Variants in ZNF521 observed in about 807,000 individuals in gnomAD.
ZNF521 encodes LYST-interacting protein 3.
In ZNF521, 14 loss-of-function variants were observed where a neutral mutation model predicts 105.5. The observed-to-expected ratio is 0.13, with a 90% CI of 0.09 to 0.21. The LOEUF is 0.21. ZNF521 is among the 10% of genes least tolerant of loss of function. The probability of loss-of-function intolerance (pLI) is 1.00; values close to 1 mark genes in which losing one functional copy is unlikely to be tolerated. For synonymous variants in ZNF521, 635 were observed against 606.0 expected (o/e 1.05, Z -0.70); for missense variants, 1,233 against 1,629.7 (o/e 0.76, Z 4.19).
intron 3 of ZNF521, among the ~76,000 whole-genome samples, chr18:25,247,063 C>T (rs979947552): frequency 5.9e-5 from 9 of 152,184 alleles, no homozygotes; most frequent in Admixed American, 5.9e-4. Context: ...CTGATGCAGT[C>T]ATCAATTCCA....
chr18:25,179,602 C>G (rs1244283946), intron 5 of ZNF521, among the ~76,000 whole-genome samples: 1 of 152,178 alleles, frequency 6.6e-6, no homozygotes, highest in Non-Finnish European at 1.5e-5. Flanking sequence ...AATTTAACCA[C>G]AGGAAACTCT....
chr18:25,295,675 T>C (rs1911285252), intron 3 of ZNF521, among the ~76,000 whole-genome samples: 1 of 152,110 alleles, frequency 6.6e-6, no homozygotes. Flanking sequence ...AAGAAAATAT[T>C]CCATTATGTG....
At chr18:25,301,754 G>A (rs927200511) in intron 3 of ZNF521, among the ~76,000 whole-genome samples, 1 of 152,162 alleles carries the variant, frequency 6.6e-6, no homozygotes, top group Non-Finnish European at 1.5e-5. Flanking sequence ...TCAAAAAGAT[G>A]GAGTGGGGGG....
chr18:25,291,831 T>C (rs753971446), intron 3 of ZNF521, among the ~76,000 whole-genome samples: 19 of 152,130 alleles, frequency 1.2e-4, no homozygotes, highest in Non-Finnish European at 2.2e-4. Flanking sequence ...GTTTCCAGAA[T>C]ACAATAATCA....
chr18:25,309,570 T>A (rs113346096), intron 3 of ZNF521, among the ~76,000 whole-genome samples: 2,080 of 152,306 alleles, frequency 0.014, 40 homozygotes, highest in African/African-American at 0.047. Context: ...AATATAAATA[T>A]TAAACCAGAC....
intron 3 of ZNF521, among the ~76,000 whole-genome samples, chr18:25,278,277 T>A (rs1269154153): frequency 6.6e-6 from 1 of 152,226 alleles, no homozygotes; most frequent in Non-Finnish European, 1.5e-5. Context: ...CATCTGTGAT[T>A]TTTTGTGTTA....
intron 7 of ZNF521, among the ~76,000 whole-genome samples, chr18:25,076,768 T>C (rs1486523373): frequency 6.6e-6 from 1 of 152,118 alleles, no homozygotes; most frequent in Non-Finnish European, 1.5e-5. Flanking sequence ...ACCTGAACTA[T>C]TTTCACTTTT....
intron 5 of ZNF521, among the ~76,000 whole-genome samples, chr18:25,094,107 A>G (rs2033805008): frequency 6.6e-6 from 1 of 152,218 alleles, no homozygotes; most frequent in African/African-American, 2.4e-5. Flanking sequence ...ACTGATATAC[A>G]CTTGTTCCAG....
At chr18:25,202,964 T>A (rs2036017461) in intron 4 of ZNF521, 1 of 152,230 alleles carries the variant, frequency 6.6e-6, no homozygotes, top group Non-Finnish European at 1.5e-5. Context: ...AAAAGGATGC[T>A]ATTGTCTTAC....
At chr18:25,224,117 T>C in intron 4 of ZNF521, 1 of 535,372 alleles carries the variant, frequency 1.9e-6, no homozygotes, top group South Asian at 2.3e-5. Context: ...GACAATATCC[T>C]AGGGAGACTG....
intron 3 of ZNF521, among the ~76,000 whole-genome samples, chr18:25,291,384 A>T (rs1433354834): frequency 6.6e-6 from 1 of 152,174 alleles, no homozygotes; most frequent in Non-Finnish European, 1.5e-5. Flanking sequence ...CCAAATCCTC[A>T]TGTGGAATGT....
chr18:25,068,563 T>C (rs1340725431), intron 7 of ZNF521, among the ~76,000 whole-genome samples: 1 of 152,252 alleles, frequency 6.6e-6, no homozygotes, highest in Non-Finnish European at 1.5e-5. Context: ...AATAAGTCTT[T>C]TGACCTGCAT....
rs941074294 is a variant in ZNF521, at chr18:25,317,412, G to C, written c.220+4596C>G. On this transcript the variant is annotated intron_variant, in intron 3 of 7. Transcript: ENST00000361524. ...AGCTGAACATAAGAATAACTATAGG[G>C]CACGCACTCAGTAAAAATTAACCAC... 2.6e-5 allele frequency among the ~76,000 whole-genome samples: 4 copies of C among 152,150 alleles called. No homozygotes were observed. The South Asian group carries it at 6.2e-4, about 24-fold the overall frequency.
At chr18:25,294,420 G>A (rs11662499) in intron 3 of ZNF521, among the ~76,000 whole-genome samples, 23,964 of 152,016 alleles carry the variant, frequency 0.16, 2,264 homozygotes, top group East Asian at 0.28. Context: ...TTCTGACTCT[G>A]GAAAAACAGG....
chr18:25,313,492 G>T (rs1912436481), intron 3 of ZNF521, among the ~76,000 whole-genome samples: 1 of 152,298 alleles, frequency 6.6e-6, no homozygotes, highest in Admixed American at 6.5e-5. Context: ...CTGACTGAAA[G>T]TTGGCAAAAC....
At chr18:25,342,804 A>T (rs932307174) in intron 2 of ZNF521, among the ~76,000 whole-genome samples, 2 of 152,250 alleles carry the variant, frequency 1.3e-5, no homozygotes, top group Non-Finnish European at 2.9e-5. Flanking sequence ...CATATGTCTG[A>T]TAAACTTAAC....
intron 7 of ZNF521, among the ~76,000 whole-genome samples, chr18:25,080,833 C>T (rs1366035353): frequency 6.6e-6 from 1 of 152,208 alleles, no homozygotes; most frequent in Non-Finnish European, 1.5e-5. Flanking sequence ...TGTGAGGAAA[C>T]TGATCCATGT....
intron 3 of ZNF521, among the ~76,000 whole-genome samples, chr18:25,240,764 G>C (rs1164775997): frequency 6.6e-6 from 1 of 151,960 alleles, no homozygotes; most frequent in African/African-American, 2.4e-5. Flanking sequence ...AAGACCCATA[G>C]AGGGTACAGG....
At chr18:25,081,009 T>TTCCTAATGGAGGCAGATCTTCCGGTGC (rs2033481513) in intron 7 of ZNF521, among the ~76,000 whole-genome samples, 2 of 152,222 alleles carry the variant, frequency 1.3e-5, no homozygotes, top group Non-Finnish European at 2.9e-5. Flanking sequence ...CAGTCTTTCC[T>TTCCTAATGGAGGCAGATCTTCCGGTGC]TCCTAATGGA....
Sources: allele counts gnomAD v4.1 joint callset (sites outside exome capture counted in the v4.1 genomes callset), GRCh38; gene constraint gnomAD v4.1.1; transcripts MANE v1.5; gene names NCBI Gene and HGNC (gene_info 2026-07-23, HGNC 2026-07-21).